Variants in CLIP2 observed in about 807,000 individuals in gnomAD.
CLIP2 encodes CAP-Gly domain containing linker protein 2.
Under a neutral mutation model 111.7 loss-of-function variants are expected in CLIP2, and 41 were observed. The ratio of observed to expected loss-of-function variants is 0.37; its 90% CI spans 0.29 to 0.48. The LOEUF is 0.48. Ranked by LOEUF, CLIP2 falls within the 20% of genes least tolerant of loss-of-function variation. CLIP2 has a pLI of 0.99. For synonymous variants in CLIP2, 660 were observed against 644.2 expected (o/e 1.02, Z -0.37); for missense variants, 1,160 against 1,422.1 (o/e 0.82, Z 2.96).
chr7:74,318,661 C>G (rs535959885), intron 2 of CLIP2, among the ~76,000 whole-genome samples: 2 of 151,586 alleles, frequency 1.3e-5, no homozygotes, highest in Admixed American at 1.3e-4. Flanking sequence ...TGCAGTGAGC[C>G]GAGATCACAC....
At position 74,401,577 on chromosome 7, in the gene CLIP2, G is replaced by A. The variant is rs373328721; in HGVS notation, c.3129+10G>A. ...AGCTCAGAAACAAGAGGTGAGGGGC[G>A]CCTCGGGCCTCCCAGGTCCCTCCCG... On this transcript the variant is annotated intron_variant, in intron 16 of 16. Coordinates refer to ENST00000223398, the MANE Select transcript of CLIP2 (RefSeq NM_003388.5). The A allele has an allele frequency of 1.1e-4, 171 of 1,613,056 alleles. No individual in the cohort carries two copies. Among genetic ancestry groups the A allele is most frequent in the Admixed American group, 2.7e-4 (16 of 59,912 alleles).
intron 2 of CLIP2, among the ~76,000 whole-genome samples, chr7:74,321,426 T>C (rs1488516135): frequency 5.3e-5 from 8 of 152,180 alleles, no homozygotes; most frequent in Non-Finnish European, 1.5e-5. Context: ...TCCTGAGTTT[T>C]AGCCATTGTC....
chr7:74,309,687 GTC>G (rs1275339097), intron 1 of CLIP2, among the ~76,000 whole-genome samples: 1 of 151,456 alleles, frequency 6.6e-6, no homozygotes, highest in Admixed American at 6.6e-5. Context: ...GTGAAACCCT[GTC>G]TCTACTAAAA....
chr7:74,354,979 G>C (rs1216385138), intron 4 of CLIP2, among the ~76,000 whole-genome samples: 2 of 152,100 alleles, frequency 1.3e-5, no homozygotes, highest in Non-Finnish European at 2.9e-5. Flanking sequence ...GGTTAGGAGG[G>C]TCTAAGGCTG....
chr7:74,372,398 GC>G (rs1451803664), intron 8 of CLIP2, among the ~76,000 whole-genome samples: 8 of 109,858 alleles, frequency 7.3e-5, no homozygotes, highest in Non-Finnish European at 1.1e-4. Flanking sequence ...TTTAGCACAG[GC>G]CTTGGGGGGG....
chr7:74,310,036 CAAAAAAAAAAAAAAAAAAA>C (rs71094774), intron 1 of CLIP2, among the ~76,000 whole-genome samples: 55 of 92,480 alleles, frequency 5.9e-4, no homozygotes, highest in African/African-American at 3.0e-3. Context: ...CCTGTCTCTA[CAAAAAAAAAAAAAAAAAAA>C]AAAAAAAAAA....
In CLIP2 at chr7:74,335,163, C is replaced by T. The variant is rs185478846; in HGVS notation, c.122-3285C>T. Among the ~76,000 whole-genome samples, 56 of 150,076 alleles carry T rather than the reference C, an allele frequency of 3.7e-4. No homozygotes were observed. The South Asian group carries it at 7.4e-3, about 20-fold the overall frequency. On this transcript the variant is annotated intron_variant, in intron 2 of 16. Coordinates refer to ENST00000223398, the MANE Select transcript of CLIP2 (RefSeq NM_003388.5). ...GTGCATGCCTGTAATCCCAGCTACT[C>T]GGGAGGCTGAGGCAGGAGAATCACT...
In CLIP2 at chr7:74,403,897, C is replaced by A; in HGVS notation, c.*49C>A. 1.2e-6 allele frequency: 2 copies of A among 1,605,306 alleles called. No homozygotes were observed. The highest frequency in any genetic ancestry group is 1.1e-5 in the South Asian group (1 of 90,976). On this transcript the variant is annotated 3_prime_UTR_variant, in exon 17 of 17. Coordinates refer to ENST00000223398, the MANE Select transcript of CLIP2 (RefSeq NM_003388.5). The stretch of plus-strand genomic sequence containing the variant: ...GCCCAGTCCACACCAGAGCCCCACG[C>A]GGCTGCCCGGCAGTACCTCCTCCAG...
chr7:74,291,082 A>G (rs1369822867), intron 1 of CLIP2, among the ~76,000 whole-genome samples: 1 of 152,224 alleles, frequency 6.6e-6, no homozygotes, highest in African/African-American at 2.4e-5. Flanking sequence ...TTAGAGAAAC[A>G]GCTTAGGATT....
At chr7:74,355,813 A>G (rs969200383) in intron 4 of CLIP2, among the ~76,000 whole-genome samples, 15 of 152,312 alleles carry the variant, frequency 9.8e-5, no homozygotes, top group East Asian at 3.9e-4. Context: ...TCCCACCCCA[A>G]GGTTTCTCTT....
At chr7:74,372,174 C>T (rs1366320639) in intron 8 of CLIP2, among the ~76,000 whole-genome samples, 5 of 152,096 alleles carry the variant, frequency 3.3e-5, no homozygotes, top group Non-Finnish European at 5.9e-5. Context: ...TGGCCTTTGT[C>T]AGCAGATGAA....
chr7:74,376,518 AGCTGGAGGTGCAAGCCAGCCAGCACCG>A lies in CLIP2; in HGVS notation c.2125_2151del (p.Val709_Glu717del). ...GGGCTGCAGCGGCACTGGCGGGCCCAGCTGGAGGTGCAAGCCAGCCAGCACCGGCTGGAGCTGCAGGAGGCCCAGGAC... is the reference window on the plus strand; with the variant it reads ...GGGCTGCAGCGGCACTGGCGGGCCCAGCTGGAGCTGCAGGAGGCCCAGGAC... On this transcript the variant is annotated inframe_deletion, in exon 10 of 17. Transcript: ENST00000223398. This position sits in a 1 kb window ranked among gnomAD's most constrained non-coding sequence, Gnocchi z 7.1. 1 of 1,601,854 alleles carries A rather than the reference AGCTGGAGGTGCAAGCCAGCCAGCACCG, an allele frequency of 6.2e-7. No homozygotes were observed. The highest frequency in any genetic ancestry group is 8.5e-7 in the Non-Finnish European group (1 of 1,175,848).
intron 8 of CLIP2, among the ~76,000 whole-genome samples, chr7:74,372,282 G>A (rs1170537036): frequency 6.6e-6 from 1 of 151,984 alleles, no homozygotes; most frequent in Non-Finnish European, 1.5e-5. Flanking sequence ...TGGGGCCCGG[G>A]AGTGGGAGGC....
chr7:74,306,779 C>T (rs1204121325), intron 1 of CLIP2, among the ~76,000 whole-genome samples: 2 of 152,170 alleles, frequency 1.3e-5, no homozygotes, highest in African/African-American at 4.8e-5. Context: ...CGGGCATACT[C>T]CTGGGGTGTC....
chr7:74,333,607 G>A (rs558957430), intron 2 of CLIP2, among the ~76,000 whole-genome samples: 19 of 152,008 alleles, frequency 1.2e-4, no homozygotes, highest in Non-Finnish European at 1.2e-4. Context: ...TCAGCCTCCC[G>A]AGTAGCTGGG....
chr7:74,316,529 G>A (rs893715235), intron 1 of CLIP2, among the ~76,000 whole-genome samples: 2 of 151,214 alleles, frequency 1.3e-5, no homozygotes, highest in South Asian at 2.1e-4. Flanking sequence ...AGGATTACAG[G>A]TGTGAGCCAC....
At chr7:74,328,717 GC>G (rs1261592725) in intron 2 of CLIP2, among the ~76,000 whole-genome samples, 1 of 152,070 alleles carries the variant, frequency 6.6e-6, no homozygotes, top group Non-Finnish European at 1.5e-5. Context: ...GCCTGAAACA[GC>G]CTGCTTGATG....
chr7:74,317,874 G>A (rs1788831697), intron 2 of CLIP2, among the ~76,000 whole-genome samples: 2 of 152,174 alleles, frequency 1.3e-5, no homozygotes, highest in African/African-American at 4.8e-5. Flanking sequence ...GAGGTCTGGA[G>A]GGTGAATAGG....
intron 2 of CLIP2, among the ~76,000 whole-genome samples, chr7:74,333,513 G>A (rs1789360612): frequency 6.6e-6 from 1 of 151,364 alleles, no homozygotes; most frequent in Non-Finnish European, 1.5e-5. Context: ...ATGAGGTCTC[G>A]CTCTGTCGCC....
Sources: gnomAD v4.1 joint callset for allele counts (sites outside exome capture counted in the v4.1 genomes callset) on GRCh38, gnomAD v4.1.1 for gene constraint, Gnocchi (gnomAD v3.1) non-coding constraint, MANE v1.5 for transcripts, NCBI Gene and HGNC (gene_info 2026-07-23, HGNC 2026-07-21) for gene names.